The following SULF1 variants were observed in gnomAD, a reference collection of about 807,000 sequenced individuals.
SULF1 encodes the protein sulfatase 1.
SULF1 carries 46 observed loss-of-function variants against 110.5 expected under a neutral mutation model. That is an observed-to-expected ratio of 0.42 (90% confidence interval 0.33 to 0.53). The LOEUF is 0.53. Ranked by LOEUF, SULF1 falls within the 20% of genes least tolerant of loss-of-function variation. SULF1 has a pLI of 0.12. For synonymous variants in SULF1, 371 were observed against 387.1 expected (o/e 0.96, Z 0.49); for missense variants, 941 against 1,094.2 (o/e 0.86, Z 1.98).
chr8:69,516,178 A>C (rs1278091711), intron 3 of SULF1, among the ~76,000 whole-genome samples: 1 of 152,194 alleles, frequency 6.6e-6, no homozygotes, highest in Admixed American at 6.5e-5. Flanking sequence ...TCACATTGCT[A>C]TAAAGAACTA....
At chr8:69,540,217 G>A (rs1189651972) in intron 3 of SULF1, among the ~76,000 whole-genome samples, 1 of 152,178 alleles carries the variant, frequency 6.6e-6, no homozygotes, top group Non-Finnish European at 1.5e-5. Flanking sequence ...TTCATAAAAC[G>A]ATGGTTGTGC....
Position 69,621,262 on chromosome 8 carries a change from C to T in SULF1, c.1594+11C>T, listed in dbSNP as rs1446516610. On this transcript the variant is annotated intron_variant, in intron 14 of 22. Coordinates refer to ENST00000402687, the MANE Select transcript of SULF1 (RefSeq NM_001128205.2). Reference sequence around the variant, plus strand: ...ACCAGGGGACTCCAAGTAAGCCACGCTTTTGTGACCATCTCAATGGTGGCC... The same window carrying T: ...ACCAGGGGACTCCAAGTAAGCCACGTTTTTGTGACCATCTCAATGGTGGCC... 1.9e-6 allele frequency: 3 copies of T among 1,603,372 alleles called. No individual in the cohort carries two copies. Among genetic ancestry groups the T allele is most frequent in the Non-Finnish European group, 2.6e-6 (3 of 1,173,032 alleles).
intron 15 of SULF1, among the ~76,000 whole-genome samples, chr8:69,624,942 A>G (rs1163642958): frequency 3.3e-5 from 5 of 152,194 alleles, no homozygotes; most frequent in Non-Finnish European, 7.3e-5. Flanking sequence ...GAGATGGGAC[A>G]CTGTGTGCTC....
intron 8 of SULF1, among the ~76,000 whole-genome samples, chr8:69,598,461 G>A (rs998774783): frequency 2.6e-5 from 4 of 151,712 alleles, no homozygotes; most frequent in African/African-American, 4.9e-5. Flanking sequence ...GCGCAATCTC[G>A]GCTCACTGCA....
chr8:69,521,248 C>T (rs1249419881), intron 3 of SULF1, among the ~76,000 whole-genome samples: 11 of 152,100 alleles, frequency 7.2e-5, no homozygotes, highest in Admixed American at 7.2e-4. Context: ...ACATGCAATG[C>T]CAAGCCCTGT....
chr8:69,489,910 T>C (rs1809859273), upstream of SULF1, among the ~76,000 whole-genome samples: 1 of 152,058 alleles, frequency 6.6e-6, no homozygotes, highest in African/African-American at 2.4e-5. Flanking sequence ...GATTCTCTCA[T>C]TTCCCCTGGT....
chr8:69,590,756 A>G (rs1309092355), intron 8 of SULF1, among the ~76,000 whole-genome samples: 1 of 152,144 alleles, frequency 6.6e-6, no homozygotes, highest in African/African-American at 2.4e-5. Context: ...TTTGGAGTCA[A>G]CTCCATGGGT....
chr8:69,621,285 G>C, intron 14 of SULF1, 34 bp downstream of exon 14: 1 of 1,534,030 alleles, frequency 6.5e-7, no homozygotes, highest in African/African-American at 1.4e-5. Context: ...CTCAATGGTG[G>C]CCTAGGCCTG....
chr8:69,548,847 A>G (rs969074060), intron 3 of SULF1, among the ~76,000 whole-genome samples: 1 of 152,178 alleles, frequency 6.6e-6, no homozygotes, highest in African/African-American at 2.4e-5. Flanking sequence ...TTTAAAGACC[A>G]GGAAATGTAT....
chr8:69,486,486 CTT>C (rs139852071), intron 1 of SULF1, among the ~76,000 whole-genome samples: 3 of 151,366 alleles, frequency 2.0e-5, no homozygotes, highest in African/African-American at 4.9e-5. Context: ...CAATTTACAC[CTT>C]TTTTTTTCCA....
At chr8:69,565,182 A>C in intron 5 of SULF1, among the ~76,000 whole-genome samples, 1 of 152,062 alleles carries the variant, frequency 6.6e-6, no homozygotes, top group Non-Finnish European at 1.5e-5. Context: ...AAAAGCCAGC[A>C]GATGTCATTA....
At chr8:69,614,437 A>T (rs1220038001) in intron 13 of SULF1, among the ~76,000 whole-genome samples, 1 of 152,242 alleles carries the variant, frequency 6.6e-6, no homozygotes. Flanking sequence ...ATTCATAAAG[A>T]GTGCTCTAGA....
intron 1 of SULF1, among the ~76,000 whole-genome samples, chr8:69,476,860 C>T (rs754173444): frequency 5.3e-5 from 8 of 152,200 alleles, no homozygotes; most frequent in Non-Finnish European, 1.0e-4. Context: ...GAAAGAATAA[C>T]ACACAAGTGC....
chr8:69,621,128 A>G lies in SULF1; in HGVS notation c.1471A>G (p.Asn491Asp). ...GCTCACAGTCCGGCAGAGCACGCGG[A>G]ACCTCTACGCTCGCGGCTTCCATGA... ...DLLTVRQSTR[N>D]LYARGFHDKD... Residue 491 changes from asparagine to aspartate, a missense_variant, in exon 14 of 23, where the codon AAC becomes GAC. Coordinates refer to ENST00000402687, the MANE Select transcript of SULF1 (RefSeq NM_001128205.2). 1.1e-5 allele frequency: 18 copies of G among 1,614,180 alleles called. No homozygotes were observed. Among genetic ancestry groups the G allele is most frequent in the Non-Finnish European group, 1.5e-5 (18 of 1,180,010 alleles).
intron 22 of SULF1, among the ~76,000 whole-genome samples, chr8:69,652,882 C>G (rs1179386440): frequency 6.6e-6 from 1 of 152,238 alleles, no homozygotes; most frequent in Non-Finnish European, 1.5e-5. Flanking sequence ...GTTGGAGTCT[C>G]TCAGTCTACT....
At chr8:69,540,824 CTT>C (rs1398821195) in intron 3 of SULF1, among the ~76,000 whole-genome samples, 1 of 152,134 alleles carries the variant, frequency 6.6e-6, no homozygotes, top group African/African-American at 2.4e-5. Context: ...CAAATGTACT[CTT>C]TGTAATTTTC....
intron 1 of SULF1, among the ~76,000 whole-genome samples, chr8:69,485,638 C>T (rs1809674092): frequency 6.6e-6 from 1 of 152,222 alleles, no homozygotes; most frequent in Non-Finnish European, 1.5e-5. Context: ...CTCACACAGA[C>T]TGCAACCTCT....
At chr8:69,589,179 G>A (rs1364985614) in intron 8 of SULF1, 38 bp downstream of exon 8, 3 of 1,592,306 alleles carry the variant, frequency 1.9e-6, no homozygotes, top group Non-Finnish European at 2.6e-6. Flanking sequence ...TGCCGAACAT[G>A]CCTTTCCCTT....
intron 22 of SULF1, among the ~76,000 whole-genome samples, chr8:69,646,003 C>G (rs1178100602): frequency 6.6e-6 from 1 of 152,026 alleles, no homozygotes; most frequent in Non-Finnish European, 1.5e-5. Context: ...AAACTATTTT[C>G]TAAGCTAAAA....
Sources: gnomAD v4.1 joint callset for allele counts (sites outside exome capture counted in the v4.1 genomes callset) on GRCh38, gnomAD v4.1.1 for gene constraint, MANE v1.5 for transcripts, NCBI Gene and HGNC (gene_info 2026-07-23, HGNC 2026-07-21) for gene names.